Variants in KIRREL3 observed in about 807,000 individuals in gnomAD.
The protein encoded by KIRREL3 is kirre like nephrin family adhesion molecule 3, also known as kin of IRRE-like protein 3.
A neutral mutation model predicts 89.7 loss-of-function variants in KIRREL3; 36 were observed. That is an observed-to-expected ratio of 0.40 (90% CI 0.31 to 0.53). KIRREL3 has a LOEUF of 0.53. Among genes scored for constraint, KIRREL3 ranks in the 20% least tolerant of loss-of-function variants. The pLI is 0.49. For synonymous variants in KIRREL3, 445 were observed against 441.4 expected (o/e 1.01, Z -0.10); for missense variants, 864 against 1,056.6 (o/e 0.82, Z 2.53).
chr11:126,467,287 C>T (rs985741340), intron 5 of KIRREL3, among the ~76,000 whole-genome samples: 1 of 152,216 alleles, frequency 6.6e-6, no homozygotes, highest in Non-Finnish European at 1.5e-5. Flanking sequence ...TTGGCACTCA[C>T]TTCTCTAGTT....
At position 126,729,595 on chromosome 11, in the gene KIRREL3, G is replaced by A. The variant is rs1948531213; in HGVS notation, c.56-166683C>T. On this transcript the variant is annotated intron_variant, in intron 1 of 16. Coordinates refer to ENST00000525144, the MANE Select transcript of KIRREL3 (RefSeq NM_032531.4). This position sits in a 1 kb window ranked among gnomAD's most constrained non-coding sequence, Gnocchi z 4.5. Reference sequence around the variant, plus strand: ...GAGGCTGGAAGGCAAGAAAGGAGCAGCTCCCTGGCATTTTGCTGCTGGAGC... The same window carrying A: ...GAGGCTGGAAGGCAAGAAAGGAGCAACTCCCTGGCATTTTGCTGCTGGAGC... Among the ~76,000 whole-genome samples, 1 of 152,186 alleles carries A rather than the reference G, an allele frequency of 6.6e-6. No individual in the cohort carries two copies. The highest frequency in any genetic ancestry group is 1.5e-5 in the Non-Finnish European group (1 of 68,040).
At chr11:126,926,163 C>T (rs998132255) in intron 1 of KIRREL3, among the ~76,000 whole-genome samples, 18 of 152,336 alleles carry the variant, frequency 1.2e-4, no homozygotes, top group African/African-American at 4.1e-4. Context: ...GTGCACACTG[C>T]CTGGCAACAA....
rs572402261 is a variant in KIRREL3 at position 126,470,412 on chromosome 11, C to A, written c.591+2897G>T. On this transcript the variant is annotated intron_variant, in intron 5 of 16. Transcript: ENST00000525144. ...AAGAGGCAGCCATCCCTCCCTCCCCCTGGACTTGTGTCTGAGGGAAGGAGT... is the reference window on the plus strand; with the variant it reads ...AAGAGGCAGCCATCCCTCCCTCCCCATGGACTTGTGTCTGAGGGAAGGAGT... Among the ~76,000 whole-genome samples, 10 of 152,348 alleles carry A rather than the reference C, an allele frequency of 6.6e-5. No individual in the cohort carries two copies. In the East Asian group the frequency reaches 1.9e-3, roughly 29 times the overall value.
At chr11:126,857,900 T>C (rs1319738356) in intron 1 of KIRREL3, among the ~76,000 whole-genome samples, 1 of 152,096 alleles carries the variant, frequency 6.6e-6, no homozygotes, top group Non-Finnish European at 1.5e-5. Flanking sequence ...ACCGCTATCC[T>C]CTGTATACAC....
At chr11:126,952,291 A>T (rs188712985) in intron 1 of KIRREL3, among the ~76,000 whole-genome samples, 3 of 152,320 alleles carry the variant, frequency 2.0e-5, no homozygotes, top group Admixed American at 2.0e-4. Flanking sequence ...AGGCTGAGGC[A>T]GGAGAATCTG....
At chr11:126,992,154 G>A (rs1950050749) in intron 1 of KIRREL3, among the ~76,000 whole-genome samples, 1 of 152,146 alleles carries the variant, frequency 6.6e-6, no homozygotes, top group Non-Finnish European at 1.5e-5. Context: ...AAAATTTGCT[G>A]GCAAAGAGCA....
intron 1 of KIRREL3, among the ~76,000 whole-genome samples, chr11:126,593,668 G>A (rs1029575019): frequency 3.3e-5 from 5 of 152,222 alleles, no homozygotes; most frequent in Admixed American, 2.6e-4. Flanking sequence ...GGGCCTGCAC[G>A]GAGTGGAGTT....
Position 126,750,260 on chromosome 11 carries a change from A to G in KIRREL3, c.56-187348T>C, listed in dbSNP as rs536140602. 6.6e-6 allele frequency among the ~76,000 whole-genome samples: 1 copy of G among 152,208 alleles called. No individual in the cohort carries two copies. Among genetic ancestry groups the G allele is most frequent in the South Asian group, 2.1e-4 (1 of 4,814 alleles). The stretch of plus-strand genomic sequence containing the variant: ...TATTTCTCAGTTCGGGACTTCTACT[A>G]TGGTACTTCCTTCTCCGTAGCCACC... On this transcript the variant is annotated intron_variant, in intron 1 of 16. Transcript: ENST00000525144. The surrounding 1 kb of genome is among the most constrained non-coding windows in gnomAD (Gnocchi z 4.2).
chr11:126,854,175 T>C (rs1030149161), intron 1 of KIRREL3, among the ~76,000 whole-genome samples: 16 of 54,292 alleles, frequency 2.9e-4, no homozygotes, highest in Admixed American at 1.1e-3. Flanking sequence ...GTGTGTGGTT[T>C]TTTGTTTTTC....
intron 1 of KIRREL3, among the ~76,000 whole-genome samples, chr11:126,784,704 T>A (rs1209481668): frequency 6.6e-6 from 1 of 151,886 alleles, no homozygotes; most frequent in Non-Finnish European, 1.5e-5. Flanking sequence ...GGTGTCAGTC[T>A]CCGCTTATGT....
chr11:126,590,581 A>G (rs1443158921), intron 1 of KIRREL3, among the ~76,000 whole-genome samples: 2 of 152,214 alleles, frequency 1.3e-5, no homozygotes, highest in Non-Finnish European at 2.9e-5. Flanking sequence ...ACATGGTCTC[A>G]GCTAAGTGGG....
At chr11:126,702,627 G>A (rs1423132156) in intron 1 of KIRREL3, among the ~76,000 whole-genome samples, 3 of 152,208 alleles carry the variant, frequency 2.0e-5, no homozygotes, top group Non-Finnish European at 4.4e-5. Flanking sequence ...AACACACAGC[G>A]GCTGCTGAAT....
intron 8 of KIRREL3, among the ~76,000 whole-genome samples, chr11:126,448,141 G>A (rs1955893907): frequency 2.0e-5 from 3 of 151,990 alleles, no homozygotes; most frequent in Admixed American, 1.3e-4. Context: ...AAATTATCTG[G>A]GTATGGTGGC....
chr11:126,923,172 TC>T lies in KIRREL3; in HGVS notation c.55+77282del, dbSNP rs1565422927. Reference sequence around the variant, plus strand: ...TTCTTCTTCTTCTTCTTCTTCTTCTTCTTCTCTTCTTCTTCTCTTCTTCTTC... The same window carrying T: ...TTCTTCTTCTTCTTCTTCTTCTTCTTTTCTCTTCTTCTTCTCTTCTTCTTC... On this transcript the variant is annotated intron_variant, in intron 1 of 16. Transcript: ENST00000525144. 6.6e-3 allele frequency among the ~76,000 whole-genome samples: 159 copies of T among 23,930 alleles called. 36 individuals carry two copies. The highest frequency in any genetic ancestry group is 0.018 in the East Asian group (33 of 1,844). The allele number at this position is 23,930 out of a possible 152,430, so 15.7% of individuals were successfully genotyped here.
intron 1 of KIRREL3, among the ~76,000 whole-genome samples, chr11:126,688,282 G>A (rs143267179): frequency 6.6e-6 from 1 of 152,338 alleles, no homozygotes; most frequent in East Asian, 1.9e-4. Context: ...ACATGATTGT[G>A]TGCATGCTGT....
At chr11:126,831,427 C>CTCTT (rs1555051349) in intron 1 of KIRREL3, among the ~76,000 whole-genome samples, 4 of 52,812 alleles carry the variant, frequency 7.6e-5, no homozygotes, top group South Asian at 2.2e-3. Context: ...CTCTCTATCT[C>CTCTT]TCTCTCTTTC....
In KIRREL3 at chr11:126,484,665, G is replaced by T. The variant is rs138026151; in HGVS notation, c.434-11199C>A. 2.1e-3 allele frequency among the ~76,000 whole-genome samples: 324 copies of T among 152,274 alleles called. 1 individual carries two copies. Among genetic ancestry groups the T allele is most frequent in the African/African-American group, 7.6e-3 (315 of 41,544 alleles). On this transcript the variant is annotated intron_variant, in intron 4 of 16. Coordinates refer to ENST00000525144, the MANE Select transcript of KIRREL3 (RefSeq NM_032531.4). The surrounding 1 kb of genome is among the most constrained non-coding windows in gnomAD (Gnocchi z 5.2). ...TTATCTGAAATTCACATTTAACAGG[G>T]AATCCTGTATTTTATCTGGCAATCC... is the stretch of plus-strand genomic sequence containing the variant.
intron 1 of KIRREL3, among the ~76,000 whole-genome samples, chr11:126,966,578 C>T (rs1485124534): frequency 1.3e-5 from 2 of 152,104 alleles, no homozygotes; most frequent in Non-Finnish European, 2.9e-5. Context: ...AGGTGGTGTG[C>T]CTGACGTGTT....
rs562913935 is a variant in KIRREL3 at position 126,912,166 on chromosome 11, C to A, written c.55+88289G>T. ...CCTCTGGCAAGGACAGCGCAGTGAC[C>A]AACCCTCTTTTCAGAAGGACAAAGT... On this transcript the variant is annotated intron_variant, in intron 1 of 16. Coordinates refer to ENST00000525144, the MANE Select transcript of KIRREL3 (RefSeq NM_032531.4). The surrounding 1 kb of genome is among the most constrained non-coding windows in gnomAD (Gnocchi z 4.7). Among the ~76,000 whole-genome samples, 1 of 152,116 alleles carries A rather than the reference C, an allele frequency of 6.6e-6. No homozygotes were observed. The highest frequency in any genetic ancestry group is 2.1e-4 in the South Asian group (1 of 4,816).
Sources: gnomAD v4.1 joint callset for allele counts (sites outside exome capture counted in the v4.1 genomes callset) on GRCh38, gnomAD v4.1.1 for gene constraint, Gnocchi (gnomAD v3.1) non-coding constraint, MANE v1.5 for transcripts, NCBI Gene and HGNC (gene_info 2026-07-23, HGNC 2026-07-21) for gene names.